Variants in ATP2B4 observed in about 807,000 individuals in gnomAD.
ATP2B4 encodes the protein plasma membrane calcium-transporting ATPase 4.
ATP2B4 carries 39 observed loss-of-function variants against 110.3 expected under a neutral mutation model. The observed-to-expected ratio is 0.35, with a 90% CI of 0.27 to 0.46. The LOEUF (loss-of-function observed/expected upper bound fraction) is 0.46, where lower values mean the gene tolerates loss of function less well. Ranked by LOEUF, ATP2B4 falls within the 20% of genes least tolerant of loss-of-function variation. ATP2B4 has a pLI of 1.00. For missense variants in ATP2B4, 1,135 were observed against 1,530.9 expected, an observed-to-expected ratio of 0.74 and a Z score of 4.32; for synonymous variants, 538 against 571.7, an observed-to-expected ratio of 0.94 and a Z score of 0.84.
intron 18 of ATP2B4, 52 bp downstream of exon 18, chr1:203,722,741 A>G: frequency 6.3e-7 from 1 of 1,575,082 alleles, no homozygotes. Context: ...TAAAGGGCAG[A>G]AGCTGGGAGC....
chr1:203,724,299 C>T lies in ATP2B4; in HGVS notation c.3132+311C>T, dbSNP rs542614484. 7.2e-5 allele frequency among the ~76,000 whole-genome samples: 11 copies of T among 152,190 alleles called. No homozygotes were observed. In the South Asian group the frequency reaches 1.5e-3, roughly 20 times the overall value. ...TTGGGAGGCCGAGGCAGGCAGATCA[C>T]GAGGTCAGGAAATCAAGACCGTCCT... On this transcript the variant is annotated intron_variant, in intron 19 of 20. Transcript: ENST00000357681.
chr1:203,670,628 C>T (rs1222734214), intron 1 of ATP2B4, among the ~76,000 whole-genome samples: 3 of 152,176 alleles, frequency 2.0e-5, no homozygotes, highest in African/African-American at 7.2e-5. Flanking sequence ...TTCTCCCTTC[C>T]CACCCTATAG....
intron 2 of ATP2B4, among the ~76,000 whole-genome samples, chr1:203,688,555 G>A (rs113970186): frequency 2.6e-5 from 4 of 152,056 alleles, no homozygotes; most frequent in African/African-American, 9.6e-5. Context: ...GCCCACCTTG[G>A]CCCCCCAAAG....
At chr1:203,723,420 A>ATCTCTCTCTCTC (rs34964110) in intron 18 of ATP2B4, among the ~76,000 whole-genome samples, 1,557 of 44,392 alleles carry the variant, frequency 0.035, 60 homozygotes, top group Admixed American at 0.045. Context: ...TGAGACAGAT[A>ATCTCTCTCTCTC]TCTCTCTCTC....
rs1279691644 is a variant in ATP2B4, at chr1:203,698,371, G to T, written c.391+17G>T. ...AAAATGAACGTGAGTGTCCTAAACA[G>T]CTCAGCGTGACTCTTATCTGGGTTC... On this transcript the variant is annotated intron_variant, in intron 3 of 20. Coordinates refer to ENST00000357681, the MANE Select transcript of ATP2B4 (RefSeq NM_001684.5). 1 of 1,612,726 alleles carries T rather than the reference G, an allele frequency of 6.2e-7. No individual in the cohort carries two copies. Among genetic ancestry groups the T allele is most frequent in the Admixed American group, 1.7e-5 (1 of 59,974 alleles).
intron 1 of ATP2B4, among the ~76,000 whole-genome samples, chr1:203,634,689 G>A (rs4951282): frequency 0.22 from 33,953 of 151,980 alleles, 4,398 homozygotes; most frequent in East Asian, 0.35. Flanking sequence ...TTTTGAGACC[G>A]GGTCTTGCTT....
At chr1:203,719,580 C>T (rs1006589982) in intron 15 of ATP2B4, among the ~76,000 whole-genome samples, 3 of 151,812 alleles carry the variant, frequency 2.0e-5, no homozygotes, top group East Asian at 1.9e-4. Context: ...CATGGTGGTG[C>T]GTCCCTGTAA....
At chr1:203,693,963 G>T (rs1665460442) in intron 2 of ATP2B4, among the ~76,000 whole-genome samples, 1 of 152,078 alleles carries the variant, frequency 6.6e-6, no homozygotes, top group Admixed American at 6.6e-5. Flanking sequence ...CTGTATCTAG[G>T]TTGGCATCCA....
In ATP2B4 at chr1:203,720,629, A is replaced by C. The variant is rs770985344; in HGVS notation, c.2487A>C (p.Ala829=). ...TDDNFTSIVK[A]VMWGRNVYDS... ...ACAACTTCACCAGCATTGTGAAGGC[A>C]GTGATGTGGGGACGAAATGTCTATG... The change falls in exon 16 of 21, where the codon GCA becomes GCC. Residue 829 remains alanine (A), a synonymous_variant. Transcript: ENST00000357681. The C allele has an allele frequency of 6.2e-6, 10 of 1,614,014 alleles. No individual in the cohort carries two copies. The highest frequency in any genetic ancestry group is 1.7e-6 in the Non-Finnish European group (2 of 1,179,980).
intron 2 of ATP2B4, among the ~76,000 whole-genome samples, chr1:203,685,373 G>A (rs115111557): frequency 4.2e-4 from 64 of 152,330 alleles, no homozygotes; most frequent in African/African-American, 1.5e-3. Context: ...TCATGGTTGA[G>A]TAGCATGAGA....
intron 19 of ATP2B4, among the ~76,000 whole-genome samples, chr1:203,725,292 C>T (rs148626417): frequency 0.041 from 6,211 of 152,094 alleles, 291 homozygotes; most frequent in African/African-American, 0.11. Context: ...GGATTACAGG[C>T]ACCCACCACC....
At chr1:203,660,544 G>C (rs1298949080) in intron 1 of ATP2B4, among the ~76,000 whole-genome samples, 1 of 152,154 alleles carries the variant, frequency 6.6e-6, no homozygotes. Flanking sequence ...GCTCACGCCT[G>C]TAATTCCAGC....
intron 1 of ATP2B4, among the ~76,000 whole-genome samples, chr1:203,633,359 C>T (rs2102294753): frequency 6.6e-6 from 1 of 152,276 alleles, no homozygotes; most frequent in Middle Eastern, 3.4e-3. Context: ...CACTGGGAGG[C>T]CAGGGCAGGA....
chr1:203,713,256 A>G lies in ATP2B4; in HGVS notation c.2299+4A>G, dbSNP rs779354462. On this transcript the variant is annotated splice_donor_region_variant and intron_variant, in intron 14 of 20. Transcript: ENST00000357681. ...GACAAGCACACCCTGGTGAAAGGTG[A>G]GGTTGGCTTCCAAATAGGTGCCTGC... 1.9e-6 allele frequency: 3 copies of G among 1,614,062 alleles called. No homozygotes were observed. The highest frequency in any genetic ancestry group is 2.5e-6 in the Non-Finnish European group (3 of 1,179,964).
chr1:203,635,423 G>C lies in ATP2B4; in HGVS notation c.-465+8204G>C, dbSNP rs573686315. Reference sequence around the variant, plus strand: ...AACTGGAGCAGGTGCATGCCACCATGGCTGGCTAATTTTTTTGTTGTTATT... The same window carrying C: ...AACTGGAGCAGGTGCATGCCACCATCGCTGGCTAATTTTTTTGTTGTTATT... On this transcript the variant is annotated intron_variant, in intron 1 of 20. Coordinates refer to ENST00000357681, the MANE Select transcript of ATP2B4 (RefSeq NM_001684.5). Among the ~76,000 whole-genome samples, 130 of 152,284 alleles carry C rather than the reference G, an allele frequency of 8.5e-4. 1 individual carries two copies. Among genetic ancestry groups the C allele is most frequent in the African/African-American group, 3.0e-3 (125 of 41,562 alleles).
intron 1 of ATP2B4, among the ~76,000 whole-genome samples, chr1:203,653,269 A>G (rs186510962): frequency 1.3e-5 from 2 of 152,310 alleles, no homozygotes; most frequent in Non-Finnish European, 2.9e-5. Flanking sequence ...AGAGGGGAGG[A>G]AGCTGCAGAA....
intron 19 of ATP2B4, among the ~76,000 whole-genome samples, chr1:203,725,736 C>T (rs1666488671): frequency 6.6e-6 from 1 of 152,072 alleles, no homozygotes; most frequent in African/African-American, 2.4e-5. Flanking sequence ...CCCCAGGTCT[C>T]TGCAGATAAT....
intron 1 of ATP2B4, among the ~76,000 whole-genome samples, chr1:203,665,068 C>T (rs1251731142): frequency 6.6e-6 from 1 of 152,196 alleles, no homozygotes; most frequent in African/African-American, 2.4e-5. Flanking sequence ...ATCTGCCCAC[C>T]TCAGCCTCCC....
intron 18 of ATP2B4, among the ~76,000 whole-genome samples, chr1:203,723,377 C>A (rs1298757154): frequency 8.5e-6 from 1 of 117,296 alleles, no homozygotes; most frequent in African/African-American, 3.1e-5. Context: ...ATTACGCCTG[C>A]CATTTTTTCT....
Sources: allele counts gnomAD v4.1 joint callset (sites outside exome capture counted in the v4.1 genomes callset), GRCh38; gene constraint gnomAD v4.1.1; transcripts MANE v1.5; gene names NCBI Gene and HGNC (gene_info 2026-07-23, HGNC 2026-07-21).